Variants in RSL24D1 observed in about 807,000 individuals in gnomAD.
RSL24D1 encodes the protein ribosomal L24 domain containing 1, also known as probable ribosome biogenesis protein RLP24.
Under a neutral mutation model 26.2 loss-of-function variants are expected in RSL24D1, and 6 were observed. The ratio of observed to expected loss-of-function variants is 0.23; its 90% CI spans 0.13 to 0.45. The LOEUF (loss-of-function observed/expected upper bound fraction) is 0.45, where lower values mean the gene tolerates loss of function less well. Among genes scored for constraint, RSL24D1 ranks in the 20% least tolerant of loss-of-function variants. RSL24D1 has a pLI of 0.99. For missense variants in RSL24D1, 176 were observed against 202.6 expected, an observed-to-expected ratio of 0.87 and a Z score of 0.80; for synonymous variants, 61 against 59.1, an observed-to-expected ratio of 1.03 and a Z score of -0.15.
Position 55,182,073 on chromosome 15 carries a change from A to C in RSL24D1, c.*79T>G. On this transcript the variant is annotated 3_prime_UTR_variant, in exon 6 of 6. Coordinates refer to ENST00000260443, the MANE Select transcript of RSL24D1 (RefSeq NM_016304.3). ...CTTTTCATTTAAGTGACCTTATGTAAAAAATAAAATAATTTAGCAGTTCCA... is the reference window on the plus strand; with the variant it reads ...CTTTTCATTTAAGTGACCTTATGTACAAAATAAAATAATTTAGCAGTTCCA... The C allele has an allele frequency of 1.2e-6, 1 of 855,416 alleles. No individual in the cohort carries two copies. Among genetic ancestry groups the C allele is most frequent in the African/African-American group, 1.7e-5 (1 of 58,798 alleles). The allele number at this position is 855,416 out of a possible 1,614,324, so 53.0% of individuals were successfully genotyped here.
intron 5 of RSL24D1, 116 bp downstream of exon 5, chr15:55,183,199 C>T: frequency 1.4e-6 from 1 of 692,998 alleles, no homozygotes; most frequent in Non-Finnish European, 2.4e-6. Flanking sequence ...TTTTATAGGC[C>T]AAATCATATC....
Position 55,181,212 on chromosome 15 carries a change from T to C in RSL24D1, c.*940A>G, listed in dbSNP as rs1271885321. 1.3e-5 allele frequency: 2 copies of C among 152,326 alleles called. No individual in the cohort carries two copies. The highest frequency in any genetic ancestry group is 4.8e-5 in the African/African-American group (2 of 41,464). The allele number at this position is 152,326 out of a possible 1,614,324, so 9.4% of individuals were successfully genotyped here. ...AAGTATCTATTTCTCTTTAATTAAA[T>C]GTATCTCCTACTTAAATGGGATGTG... On this transcript the variant is annotated 3_prime_UTR_variant, in exon 6 of 6. Coordinates refer to ENST00000260443, the MANE Select transcript of RSL24D1 (RefSeq NM_016304.3).
chr15:55,183,733 T>C (rs1236242515), intron 4 of RSL24D1, among the ~76,000 whole-genome samples: 1 of 152,198 alleles, frequency 6.6e-6, no homozygotes, highest in Non-Finnish European at 1.5e-5. Flanking sequence ...CAAATGTACA[T>C]TTTCTTCTCT....
At chr15:55,195,103 T>TAGAA (rs1894341032) in intron 1 of RSL24D1, among the ~76,000 whole-genome samples, 1 of 149,066 alleles carries the variant, frequency 6.7e-6, no homozygotes, top group Non-Finnish European at 1.5e-5. Flanking sequence ...GACAGGAAAG[T>TAGAA]AGAAAGAAGG....
chr15:55,196,251 C>G, intron 1 of RSL24D1: 1 of 442,436 alleles, frequency 2.3e-6, no homozygotes, highest in Non-Finnish European at 4.5e-6. Flanking sequence ...CACTTTCCTT[C>G]CACTTAGAAG....
intron 4 of RSL24D1, among the ~76,000 whole-genome samples, chr15:55,184,542 T>C (rs1483987492): frequency 2.0e-5 from 3 of 152,134 alleles, no homozygotes; most frequent in Non-Finnish European, 2.9e-5. Flanking sequence ...ATCACAACAA[T>C]AGTAGTAACT....
In RSL24D1 at chr15:55,186,760, A is replaced by G. The variant is rs117216141; in HGVS notation, c.269-1335T>C. On this transcript the variant is annotated intron_variant, in intron 3 of 5. Transcript: ENST00000260443. ...AAGATTAGGTAATAATAGTCTATCA[A>G]TGTTAATTTCTTGATTTTAATAATT... 8.3e-3 allele frequency among the ~76,000 whole-genome samples: 1,264 copies of G among 152,064 alleles called. 19 individuals are homozygous for G. The highest frequency in any genetic ancestry group is 0.01 in the Non-Finnish European group (687 of 67,994).
At chr15:55,186,674 T>C (rs1306553065) in intron 3 of RSL24D1, among the ~76,000 whole-genome samples, 1 of 152,186 alleles carries the variant, frequency 6.6e-6, no homozygotes, top group Non-Finnish European at 1.5e-5. Context: ...ACATGTACTA[T>C]TCTTACAAAT....
intron 1 of RSL24D1, among the ~76,000 whole-genome samples, chr15:55,194,523 C>T (rs1393001206): frequency 6.6e-6 from 1 of 152,134 alleles, no homozygotes; most frequent in African/African-American, 2.4e-5. Context: ...CCCCTAAATG[C>T]TAACATGCTA....
intron 5 of RSL24D1, 118 bp downstream of exon 5, chr15:55,183,197 G>T: frequency 5.8e-6 from 4 of 684,100 alleles, no homozygotes; most frequent in Non-Finnish European, 9.7e-6. Flanking sequence ...ATTTTTATAG[G>T]CCAAATCATA....
intron 3 of RSL24D1, among the ~76,000 whole-genome samples, chr15:55,187,147 A>T (rs1227971575): frequency 6.6e-6 from 1 of 152,190 alleles, no homozygotes; most frequent in East Asian, 1.9e-4. Context: ...TTTAACAAAA[A>T]CCACCAGGAC....
chr15:55,191,305 A>G (rs970502068), intron 2 of RSL24D1, among the ~76,000 whole-genome samples: 1 of 152,210 alleles, frequency 6.6e-6, no homozygotes, highest in Admixed American at 6.5e-5. Flanking sequence ...AGAAGGGCAT[A>G]TAACAATTAT....
chr15:55,190,870 A>G (rs1894289272), intron 3 of RSL24D1, 105 bp downstream of exon 3: 1 of 742,670 alleles, frequency 1.3e-6, no homozygotes, highest in African/African-American at 1.8e-5. Context: ...CCAAGGAATG[A>G]TAAATGGAAA....
intron 1 of RSL24D1, 163 bp downstream of exon 1, chr15:55,196,647 G>A: frequency 1.5e-6 from 1 of 647,660 alleles, no homozygotes. Flanking sequence ...AACCCCCGAA[G>A]CGGAACGTTG....
chr15:55,196,771 G>A (rs374827579), intron 1 of RSL24D1, 39 bp downstream of exon 1: 83 of 1,604,132 alleles, frequency 5.2e-5, no homozygotes, highest in Non-Finnish European at 6.7e-5. Context: ...GGAACCGCGG[G>A]AGCTAGGCTG....
intron 1 of RSL24D1, 100 bp downstream of exon 1, chr15:55,196,710 G>A (rs1016121261): frequency 1.4e-5 from 16 of 1,147,398 alleles, no homozygotes; most frequent in Admixed American, 7.7e-5. Context: ...GGAGGAACCC[G>A]GGCCAAACAC....
chr15:55,192,146 C>A (rs762690399), intron 2 of RSL24D1, among the ~76,000 whole-genome samples: 1 of 152,122 alleles, frequency 6.6e-6, no homozygotes, highest in Non-Finnish European at 1.5e-5. Flanking sequence ...TTTAAAAGAT[C>A]TTCCTCCCTC....
At chr15:55,196,241 C>T in intron 1 of RSL24D1, 1 of 433,416 alleles carries the variant, frequency 2.3e-6, no homozygotes, top group Non-Finnish European at 4.6e-6. Flanking sequence ...TCAAAATGTT[C>T]ACTTTCCTTC....
chr15:55,193,300 TACTC>T (rs1214749076), intron 1 of RSL24D1, among the ~76,000 whole-genome samples: 4 of 152,202 alleles, frequency 2.6e-5, no homozygotes, highest in East Asian at 1.9e-4. Context: ...GTTTTCGACT[TACTC>T]ACAGATCTGC....
Sources: allele counts gnomAD v4.1 joint callset (sites outside exome capture counted in the v4.1 genomes callset), GRCh38; gene constraint gnomAD v4.1.1; transcripts MANE v1.5; gene names NCBI Gene and HGNC (gene_info 2026-07-23, HGNC 2026-07-21).